Variants in TBC1D1 observed in about 807,000 individuals in gnomAD.
TBC1D1 encodes the protein TBC1 (tre-2/USP6, BUB2, cdc16) domain family, member 1.
TBC1D1 carries 89 observed loss-of-function variants against 125.6 expected under a neutral mutation model. The observed-to-expected ratio is 0.71, with a 90% CI of 0.60 to 0.85. TBC1D1 has a LOEUF of 0.85. Ranked by LOEUF, TBC1D1 falls within the 40% of genes least tolerant of loss-of-function variation. The probability of loss-of-function intolerance (pLI) is 0.00; values close to 1 mark genes in which losing one functional copy is unlikely to be tolerated. For missense variants in TBC1D1, 1,377 were observed against 1,469.2 expected (o/e 0.94, Z 1.03); for synonymous variants, 565 against 564.1 (o/e 1.00, Z -0.02).
chr4:37,983,935 C>G (rs896029398), intron 2 of TBC1D1, among the ~76,000 whole-genome samples: 1 of 152,142 alleles, frequency 6.6e-6, no homozygotes, highest in African/African-American at 2.4e-5. Context: ...CTTTGGCAAC[C>G]CACTAATCTT....
intron 2 of TBC1D1, among the ~76,000 whole-genome samples, chr4:37,973,324 C>A (rs554328437): frequency 2.0e-5 from 3 of 152,286 alleles, no homozygotes; most frequent in South Asian, 2.1e-4. Context: ...AACAATGAAC[C>A]CTTCATGTCC....
intron 14 of TBC1D1, among the ~76,000 whole-genome samples, chr4:38,101,940 G>T (rs189279833): frequency 6.6e-6 from 1 of 152,154 alleles, no homozygotes; most frequent in East Asian, 1.9e-4. Flanking sequence ...CTCAAATGAA[G>T]GATTCTGTGG....
At chr4:38,018,269 G>A in intron 3 of TBC1D1, 85 bp from the exon 4 acceptor site, 1 of 994,408 alleles carries the variant, frequency 1.0e-6, no homozygotes. Context: ...GAATTTTATA[G>A]GAGCTTGTCC....
At chr4:38,077,888 G>A (rs1446494018) in intron 12 of TBC1D1, among the ~76,000 whole-genome samples, 2 of 152,062 alleles carry the variant, frequency 1.3e-5, no homozygotes, top group African/African-American at 4.8e-5. Context: ...GGGGTGGGTT[G>A]GAAGTAGTAT....
At chr4:38,018,251 TAG>T in intron 3 of TBC1D1, 101 bp from the exon 4 acceptor site, 1 of 862,066 alleles carries the variant, frequency 1.2e-6, no homozygotes, top group Non-Finnish European at 1.9e-6. Flanking sequence ...TCTACGATGA[TAG>T]AGTCAGAATT....
intron 2 of TBC1D1, chr4:37,961,054 T>C (rs747950164): frequency 6.2e-7 from 1 of 1,604,804 alleles, no homozygotes; most frequent in South Asian, 1.1e-5. Context: ...AATTTCTTAG[T>C]GCTTTGGAGT....
At chr4:37,992,539 G>A (rs1228396595) in intron 2 of TBC1D1, among the ~76,000 whole-genome samples, 8 of 144,480 alleles carry the variant, frequency 5.5e-5, no homozygotes, top group Non-Finnish European at 1.0e-4. Flanking sequence ...CTATCACCCA[G>A]GCTGGAGTGC....
rs1047186264 is a variant in TBC1D1 at position 38,039,883 on chromosome 4, A to T, written c.1413+4185A>T. 2.6e-5 allele frequency among the ~76,000 whole-genome samples: 4 copies of T among 151,876 alleles called. No individual in the cohort carries two copies. The South Asian group carries it at 8.3e-4, about 32-fold the overall frequency. On this transcript the variant is annotated intron_variant, in intron 8 of 19. Coordinates refer to ENST00000261439, the MANE Select transcript of TBC1D1 (RefSeq NM_015173.4). ...AATCCTAGCACTTTGGGAGGCTGAG[A>T]TGGGAGGATTGTTTGAGGCCAGGAG...
chr4:38,121,326 C>A (rs1010868023), intron 17 of TBC1D1, among the ~76,000 whole-genome samples: 1 of 152,222 alleles, frequency 6.6e-6, no homozygotes, highest in Non-Finnish European at 1.5e-5. Context: ...ACTTTGAGAT[C>A]ATGAAGTTTA....
rs773446603 is a variant in TBC1D1, at chr4:38,124,928, T to C, written c.2963-34T>C. On this transcript the variant is annotated intron_variant, in intron 17 of 19. Coordinates refer to ENST00000261439, the MANE Select transcript of TBC1D1 (RefSeq NM_015173.4). Reference sequence around the variant, plus strand: ...AATGGTATTGCGTGAGAAACTGGTCTGGTTTAACTTTCTGCATTTCTGTGT... The same window carrying C: ...AATGGTATTGCGTGAGAAACTGGTCCGGTTTAACTTTCTGCATTTCTGTGT... 5.0e-6 allele frequency: 8 copies of C among 1,599,968 alleles called. No individual in the cohort carries two copies. In the Admixed American group the frequency reaches 1.2e-4, roughly 24 times the overall value.
chr4:37,997,023 A>G (rs900859579), intron 2 of TBC1D1, among the ~76,000 whole-genome samples: 12 of 152,254 alleles, frequency 7.9e-5, no homozygotes, highest in African/African-American at 2.9e-4. Flanking sequence ...TTGTTTTTAA[A>G]AAATTAATTT....
intron 8 of TBC1D1, among the ~76,000 whole-genome samples, chr4:38,043,484 G>A (rs534441642): frequency 3.3e-5 from 5 of 151,654 alleles, no homozygotes; most frequent in African/African-American, 9.7e-5. Context: ...TCTGGGGGCC[G>A]AGGGAGAAGG....
At chr4:38,001,666 G>A (rs542143607) in intron 2 of TBC1D1, among the ~76,000 whole-genome samples, 1 of 152,258 alleles carries the variant, frequency 6.6e-6, no homozygotes, top group African/African-American at 2.4e-5. Context: ...TTATTATAAG[G>A]CATTCCTAAT....
intron 10 of TBC1D1, among the ~76,000 whole-genome samples, chr4:38,047,976 T>A (rs1419261018): frequency 1.3e-5 from 2 of 152,176 alleles, no homozygotes; most frequent in South Asian, 2.1e-4. Context: ...ATATACATAT[T>A]CATTCTTCAG....
chr4:37,991,450 T>C (rs1736546117), intron 2 of TBC1D1, among the ~76,000 whole-genome samples: 1 of 152,130 alleles, frequency 6.6e-6, no homozygotes, highest in Non-Finnish European at 1.5e-5. Flanking sequence ...GGCCTGTCAC[T>C]ATGGGGCAGA....
intron 2 of TBC1D1, among the ~76,000 whole-genome samples, chr4:38,003,974 C>A (rs1167616784): frequency 6.6e-6 from 1 of 152,042 alleles, no homozygotes; most frequent in Non-Finnish European, 1.5e-5. Flanking sequence ...GCTAAACTTT[C>A]ATATTTAATT....
chr4:37,961,929 T>A (rs1231778082), intron 2 of TBC1D1, among the ~76,000 whole-genome samples: 1 of 152,276 alleles, frequency 6.6e-6, no homozygotes, highest in African/African-American at 2.4e-5. Context: ...TACAATTTTG[T>A]GATCTGCTCC....
chr4:37,984,340 C>T (rs1045710236), intron 2 of TBC1D1, among the ~76,000 whole-genome samples: 2 of 152,180 alleles, frequency 1.3e-5, no homozygotes, highest in South Asian at 4.1e-4. Flanking sequence ...AAGCACTCAA[C>T]TGCTTTTCAA....
At chr4:37,990,525 T>A (rs1005281966) in intron 2 of TBC1D1, among the ~76,000 whole-genome samples, 1 of 152,192 alleles carries the variant, frequency 6.6e-6, no homozygotes, top group African/African-American at 2.4e-5. Context: ...TATTAATCAA[T>A]TAATTGTATA....
Sources: allele counts gnomAD v4.1 joint callset (sites outside exome capture counted in the v4.1 genomes callset), GRCh38; gene constraint gnomAD v4.1.1; transcripts MANE v1.5; gene names NCBI Gene and HGNC (gene_info 2026-07-23, HGNC 2026-07-21).